DAB1: variants seen among roughly 807,000 people sequenced by gnomAD.
The protein encoded by DAB1 is DAB adaptor protein 1, also known as disabled homolog 1.
In DAB1, 15 loss-of-function variants were observed where a neutral mutation model predicts 64.6. That is an observed-to-expected ratio of 0.23 (90% CI 0.16 to 0.36). DAB1 has a LOEUF of 0.36. Ranked by LOEUF, DAB1 falls within the 10% of genes least tolerant of loss-of-function variation. DAB1 has a pLI of 1.00. For synonymous variants in DAB1, 235 were observed against 251.9 expected (o/e 0.93, Z 0.64); for missense variants, 596 against 706.7 (o/e 0.84, Z 1.78).
chr1:57,548,008 A>G (rs1455276454), intron 7 of DAB1, among the ~76,000 whole-genome samples: 1 of 152,146 alleles, frequency 6.6e-6, no homozygotes, highest in Non-Finnish European at 1.5e-5. Flanking sequence ...CTTTTTATCT[A>G]TCTGTTCACA....
chr1:57,226,672 A>AAAAAAAATATATATATATATAT (rs747021990), intron 2 of DAB1, among the ~76,000 whole-genome samples: 7 of 135,996 alleles, frequency 5.1e-5, no homozygotes, highest in African/African-American at 1.9e-4. Context: ...TTAAAAAAAA[A>AAAAAAAATATATATATATATAT]ATATATATAT....
intron 6 of DAB1, among the ~76,000 whole-genome samples, chr1:57,812,630 T>G (rs1651683604): frequency 6.6e-6 from 1 of 152,234 alleles, no homozygotes; most frequent in Non-Finnish European, 1.5e-5. Flanking sequence ...TGCAACCCTG[T>G]GCCAGGAACC....
At chr1:57,854,386 AT>A (rs1205294022) in intron 1 of DAB1, among the ~76,000 whole-genome samples, 3 of 152,206 alleles carry the variant, frequency 2.0e-5, no homozygotes, top group African/African-American at 4.8e-5. Flanking sequence ...GGGAGTGTGA[AT>A]GTCACCATTG....
At chr1:57,209,969 T>C (rs1665873347) in intron 2 of DAB1, among the ~76,000 whole-genome samples, 1 of 152,206 alleles carries the variant, frequency 6.6e-6, no homozygotes, top group Non-Finnish European at 1.5e-5. Flanking sequence ...TAAATTGAAA[T>C]CTCATTTTAG....
chr1:58,021,710 A>G (rs1233636733), intron 5 of DAB1, among the ~76,000 whole-genome samples: 1 of 152,236 alleles, frequency 6.6e-6, no homozygotes, highest in Non-Finnish European at 1.5e-5. Flanking sequence ...GAACTGGCCC[A>G]AGAGAATGGA....
At chr1:58,392,665 C>T (rs1478039284) in intron 3 of DAB1, among the ~76,000 whole-genome samples, 7 of 152,178 alleles carry the variant, frequency 4.6e-5, no homozygotes, top group African/African-American at 1.2e-4. Context: ...CCATCTCAAA[C>T]GAAATGTGGG....
intron 2 of DAB1, among the ~76,000 whole-genome samples, chr1:57,240,912 A>G (rs969170801): frequency 4.6e-5 from 7 of 152,162 alleles, no homozygotes; most frequent in African/African-American, 1.4e-4. Flanking sequence ...CCTATTTAAG[A>G]TAAATGCAGA....
At chr1:57,621,915 T>C (rs1199193315) in intron 7 of DAB1, among the ~76,000 whole-genome samples, 1 of 152,208 alleles carries the variant, frequency 6.6e-6, no homozygotes, top group Admixed American at 6.5e-5. Flanking sequence ...GCTATTTGTA[T>C]ACAGAGACAC....
intron 6 of DAB1, among the ~76,000 whole-genome samples, chr1:57,756,727 T>C (rs1347002819): frequency 6.6e-6 from 1 of 151,058 alleles, no homozygotes; most frequent in Non-Finnish European, 1.5e-5. Context: ...TAGGAACAGA[T>C]AAAAAAGTTG....
At chr1:58,466,780 G>T (rs189403326) in intron 3 of DAB1, among the ~76,000 whole-genome samples, 77 of 152,230 alleles carry the variant, frequency 5.1e-4, no homozygotes, top group African/African-American at 1.6e-3. Context: ...ACCACAGCCC[G>T]GTTGAACAGC....
At chr1:57,836,432 CCTT>C (rs1652812536) in intron 1 of DAB1, among the ~76,000 whole-genome samples, 1 of 152,144 alleles carries the variant, frequency 6.6e-6, no homozygotes, top group Non-Finnish European at 1.5e-5. Flanking sequence ...CATCCTATCT[CCTT>C]CTCTCTGGTG....
At chr1:57,524,350 G>C (rs939706050) in intron 7 of DAB1, among the ~76,000 whole-genome samples, 1 of 152,152 alleles carries the variant, frequency 6.6e-6, no homozygotes, top group Non-Finnish European at 1.5e-5. Flanking sequence ...AGAATAACAA[G>C]AATGAGAAGT....
intron 6 of DAB1, among the ~76,000 whole-genome samples, chr1:57,714,084 A>G (rs752881191): frequency 6.6e-6 from 1 of 152,222 alleles, no homozygotes; most frequent in Non-Finnish European, 1.5e-5. Flanking sequence ...TAGATGATAA[A>G]CAAATACAAT....
chr1:58,311,122 C>T (rs1662421135), intron 4 of DAB1, among the ~76,000 whole-genome samples: 1 of 152,132 alleles, frequency 6.6e-6, no homozygotes, highest in Non-Finnish European at 1.5e-5. Flanking sequence ...CCCCACCCTA[C>T]ATCTAAGTCC....
rs556998493 is a variant in DAB1 at position 57,848,419 on chromosome 1, A to T, written n.88-21964T>A. Among the ~76,000 whole-genome samples the T allele has an allele frequency of 8.5e-5, 13 of 152,384 alleles. No individual in the cohort carries two copies. The South Asian group carries it at 2.7e-3, about 32-fold the overall frequency. On this transcript the variant is annotated intron_variant and non_coding_transcript_variant, in intron 1 of 1. Coordinates refer to the DAB1 transcript ENST00000477280. ...TTTATCCTTTATTTAAAGAATTATCATGATCAACTGGGATTTATCCTGGAC... is the reference window on the plus strand; with the variant it reads ...TTTATCCTTTATTTAAAGAATTATCTTGATCAACTGGGATTTATCCTGGAC...
intron 5 of DAB1, among the ~76,000 whole-genome samples, chr1:58,067,288 G>C (rs966354039): frequency 7.2e-5 from 11 of 152,186 alleles, no homozygotes; most frequent in African/African-American, 2.4e-4. Context: ...CCCAGTGCCT[G>C]GCATAGATGA....
chr1:57,693,495 C>T (rs961816260), intron 6 of DAB1, among the ~76,000 whole-genome samples: 1 of 148,776 alleles, frequency 6.7e-6, no homozygotes, highest in African/African-American at 2.6e-5. Context: ...GTAAAATGGA[C>T]CAATCAGCAC....
At chr1:57,718,953 C>A (rs536283672) in intron 6 of DAB1, among the ~76,000 whole-genome samples, 2 of 151,410 alleles carry the variant, frequency 1.3e-5, no homozygotes, top group African/African-American at 4.9e-5. Flanking sequence ...TTCCAGCTCA[C>A]CAGTAAAAGG....
chr1:58,036,100 A>C (rs1391132552), intron 5 of DAB1, among the ~76,000 whole-genome samples: 4 of 152,226 alleles, frequency 2.6e-5, no homozygotes, highest in Non-Finnish European at 4.4e-5. Context: ...ATGGTCGGGA[A>C]ACCGGGGTAG....
Sources: gnomAD v4.1 joint callset for allele counts (sites outside exome capture counted in the v4.1 genomes callset) on GRCh38, gnomAD v4.1.1 for gene constraint, MANE v1.5 for transcripts, NCBI Gene and HGNC (gene_info 2026-07-23, HGNC 2026-07-21) for gene names.